Variants in MAP3K3 observed in about 807,000 individuals in gnomAD.
MAP3K3 encodes the protein MAP/ERK kinase kinase 3.
A neutral mutation model predicts 80.9 loss-of-function variants in MAP3K3; 12 were observed. That is an observed-to-expected ratio of 0.15 (90% CI 0.10 to 0.24). The LOEUF is 0.24. MAP3K3 is among the 10% of genes least tolerant of loss of function. The probability of loss-of-function intolerance (pLI) is 1.00; values close to 1 mark genes in which losing one functional copy is unlikely to be tolerated. For missense variants in MAP3K3, 596 were observed against 834.7 expected (o/e 0.71, Z 3.52); for synonymous variants, 272 against 307.1 (o/e 0.89, Z 1.19).
intron 5 of MAP3K3, among the ~76,000 whole-genome samples, chr17:63,666,418 G>T (rs2035001013): frequency 6.6e-6 from 1 of 152,112 alleles, no homozygotes; most frequent in African/African-American, 2.4e-5. Flanking sequence ...AGGATCCCTT[G>T]AGCCCAGGAG....
In MAP3K3 at chr17:63,693,128, C is replaced by G. The variant is rs1056113275; in HGVS notation, c.1653-421C>G. On this transcript the variant is annotated intron_variant, in intron 15 of 15. Coordinates refer to ENST00000361733, the MANE Select transcript of MAP3K3 (RefSeq NM_002401.5). The surrounding 1 kb of genome is among the most constrained non-coding windows in gnomAD (Gnocchi z 4.2). The stretch of plus-strand genomic sequence containing the variant: ...CCCAGGAAAGGCAAGGAAACAGGTT[C>G]TCCCCTCAGAGCCTCTGACAGGAAC... 2.0e-5 allele frequency among the ~76,000 whole-genome samples: 3 copies of G among 152,168 alleles called. No individual in the cohort carries two copies. Among genetic ancestry groups the G allele is most frequent in the African/African-American group, 7.2e-5 (3 of 41,440 alleles).
intron 5 of MAP3K3, among the ~76,000 whole-genome samples, chr17:63,664,789 C>T (rs2034967273): frequency 1.3e-5 from 2 of 152,130 alleles, no homozygotes; most frequent in African/African-American, 4.8e-5. Context: ...GCGACAGTCC[C>T]CTTATATTCT....
At chr17:63,634,565 C>G (rs2034282414) in intron 2 of MAP3K3, 1 of 672,512 alleles carries the variant, frequency 1.5e-6, no homozygotes. Flanking sequence ...GTTATGAAGG[C>G]AGAAGCCTAA....
At chr17:63,644,468 G>A (rs1455180363) in intron 2 of MAP3K3, among the ~76,000 whole-genome samples, 1 of 152,100 alleles carries the variant, frequency 6.6e-6, no homozygotes, top group African/African-American at 2.4e-5. Flanking sequence ...TGCCCGCCTC[G>A]GCCTCCCAAG....
At chr17:63,688,247 T>G in intron 8 of MAP3K3, 1 of 507,850 alleles carries the variant, frequency 2.0e-6, no homozygotes, top group Non-Finnish European at 3.6e-6. Context: ...GTTACAGAGG[T>G]GGGAAGAAAG....
chr17:63,663,228 C>T (rs549371897), intron 5 of MAP3K3, among the ~76,000 whole-genome samples: 16 of 152,116 alleles, frequency 1.1e-4, no homozygotes, highest in African/African-American at 3.1e-4. Flanking sequence ...CTTGGCCAGG[C>T]GTGGTGGCTC....
At chr17:63,646,111 A>G (rs1364675246) in intron 3 of MAP3K3, 37 bp downstream of exon 3, 2 of 1,596,556 alleles carry the variant, frequency 1.3e-6, no homozygotes, top group Non-Finnish European at 1.7e-6. Context: ...GTGTTCATGT[A>G]TGCCAAAGTT....
intron 2 of MAP3K3, among the ~76,000 whole-genome samples, chr17:63,641,094 C>A (rs1321974464): frequency 1.3e-5 from 2 of 152,170 alleles, no homozygotes; most frequent in Non-Finnish European, 2.9e-5. Context: ...CATTTACCAA[C>A]CACTTGTATA....
At chr17:63,684,870 A>C (rs1460695247) in intron 7 of MAP3K3, among the ~76,000 whole-genome samples, 3 of 152,214 alleles carry the variant, frequency 2.0e-5, no homozygotes, top group Non-Finnish European at 4.4e-5. Flanking sequence ...TGTGCAGAGA[A>C]AATGAAAGGG....
Position 63,691,961 on chromosome 17 carries a change from G to A in MAP3K3, c.1474+99G>A, listed in dbSNP as rs1428944869. On this transcript the variant is annotated intron_variant, in intron 14 of 15. Transcript: ENST00000361733. This position sits in a 1 kb window ranked among gnomAD's most constrained non-coding sequence, Gnocchi z 4.8. The stretch of plus-strand genomic sequence containing the variant: ...ATCACTTAACCATTCTGAACTTTCT[G>A]AAAAGTGGGACCCCAGTTGTTTCCC... 3.7e-6 allele frequency: 5 copies of A among 1,367,848 alleles called. No homozygotes were observed. Among genetic ancestry groups the A allele is most frequent in the South Asian group, 2.6e-5 (2 of 75,684 alleles). 84.7% of individuals were successfully genotyped at this position (1,367,848 alleles called of 1,614,324 possible). A position where few individuals can be genotyped will look rare whatever the true frequency, so the allele number is the denominator to read the frequency against.
intron 1 of MAP3K3, among the ~76,000 whole-genome samples, chr17:63,631,141 G>A (rs753922082): frequency 2.6e-5 from 4 of 152,110 alleles, no homozygotes; most frequent in Non-Finnish European, 5.9e-5. Context: ...ACAAAAATTA[G>A]CAGGGCATGG....
At chr17:63,658,369 GA>G (rs1007445374) in intron 5 of MAP3K3, among the ~76,000 whole-genome samples, 1 of 152,106 alleles carries the variant, frequency 6.6e-6, no homozygotes, top group Non-Finnish European at 1.5e-5. Context: ...TTGTTCAGTG[GA>G]AAAAGCCATG....
Position 63,681,913 on chromosome 17 carries a change from G to A in MAP3K3, c.636+14G>A. 11 of 1,387,466 alleles carry A rather than the reference G, an allele frequency of 7.9e-6. No homozygotes were observed. Among genetic ancestry groups the A allele is most frequent in the Non-Finnish European group, 1.0e-5 (11 of 1,056,430 alleles). The allele number at this position is 1,387,466 out of a possible 1,614,324, so 85.9% of individuals were successfully genotyped here. On this transcript the variant is annotated intron_variant, in intron 7 of 15. Transcript: ENST00000361733. ...AGCGAGCAGTGCGTGAGTATAGGGG[G>A]GCTGGGATATGCCTGTGGCCTGTAT...
intron 1 of MAP3K3, among the ~76,000 whole-genome samples, chr17:63,625,552 G>A (rs1021291835): frequency 6.6e-6 from 1 of 152,302 alleles, no homozygotes; most frequent in Non-Finnish European, 1.5e-5. Flanking sequence ...CTGGTTTGAA[G>A]TCAGAATTAT....
At chr17:63,668,595 CT>C (rs1470582195) in intron 6 of MAP3K3, among the ~76,000 whole-genome samples, 1 of 152,160 alleles carries the variant, frequency 6.6e-6, no homozygotes, top group East Asian at 1.9e-4. Flanking sequence ...GGGGCAGTAA[CT>C]GGGTCTCTTG....
At chr17:63,673,142 C>G (rs1026179024) in intron 6 of MAP3K3, among the ~76,000 whole-genome samples, 4 of 152,166 alleles carry the variant, frequency 2.6e-5, no homozygotes, top group African/African-American at 9.7e-5. Flanking sequence ...CAATCAAATT[C>G]CAGACATGTA....
At chr17:63,623,348 T>C (rs942266857) in intron 1 of MAP3K3, among the ~76,000 whole-genome samples, 7 of 152,278 alleles carry the variant, frequency 4.6e-5, no homozygotes, top group African/African-American at 1.4e-4. Context: ...AAGCGCGCGG[T>C]TGACAAATGC....
intron 2 of MAP3K3, among the ~76,000 whole-genome samples, chr17:63,635,609 C>T (rs186111179): frequency 2.6e-5 from 4 of 152,070 alleles, no homozygotes; most frequent in Non-Finnish European, 4.4e-5. Flanking sequence ...AGAGGTAGTG[C>T]GGGGAAGATG....
At chr17:63,660,623 A>T (rs2034870978) in intron 5 of MAP3K3, among the ~76,000 whole-genome samples, 2 of 134,310 alleles carry the variant, frequency 1.5e-5, no homozygotes, top group Non-Finnish European at 1.6e-5. Context: ...ATGGAGTTTC[A>T]CTCTTGTTGC....
Sources: allele counts gnomAD v4.1 joint callset (sites outside exome capture counted in the v4.1 genomes callset), GRCh38; gene constraint gnomAD v4.1.1; non-coding constraint Gnocchi (gnomAD v3.1); transcripts MANE v1.5; gene names NCBI Gene and HGNC (gene_info 2026-07-23, HGNC 2026-07-21).